IL1RAPL2: variants seen among roughly 807,000 people sequenced by gnomAD.
The protein encoded by IL1RAPL2 is X-linked interleukin-1 receptor accessory protein-like 2.
IL1RAPL2 carries 3 observed loss-of-function variants against 44.1 expected under a neutral mutation model. The observed-to-expected ratio is 0.07, with a 90% confidence interval of 0.03 to 0.18. IL1RAPL2 has a LOEUF of 0.18. IL1RAPL2 is among the 10% of genes least tolerant of loss of function. IL1RAPL2 has a pLI of 1.00. For missense variants in IL1RAPL2, 391 were observed against 496.4 expected, an observed-to-expected ratio of 0.79 and a Z score of 2.02; for synonymous variants, 181 against 178.8, an observed-to-expected ratio of 1.01 and a Z score of -0.10.
At chrX:104,570,956 T>TA (rs1928135807) in intron 1 of IL1RAPL2, among the ~76,000 whole-genome samples, 1 of 110,830 alleles carries the variant, frequency 9.0e-6, no homozygotes, top group African/African-American at 3.3e-5. Context: ...TTTTTTTTTT[T>TA]ATCCCTTCCT....
At chrX:104,611,029 A>G (rs1602642870) in intron 1 of IL1RAPL2, among the ~76,000 whole-genome samples, 1 of 111,401 alleles carries the variant, frequency 9.0e-6, no homozygotes, top group African/African-American at 3.3e-5. Context: ...TTCCTCTGGA[A>G]GCTTTGTCCT....
intron 2 of IL1RAPL2, among the ~76,000 whole-genome samples, chrX:104,763,180 T>C (rs2385678): frequency 0.37 from 41,361 of 110,709 alleles, 5,983 homozygotes; most frequent in East Asian, 0.46. Flanking sequence ...CACAGATCTC[T>C]AGGGCAGGGG....
chrX:105,127,430 G>C lies in IL1RAPL2; in HGVS notation c.83-68045G>C, dbSNP rs983023106. Among the ~76,000 whole-genome samples, 2 of 111,516 alleles carry C rather than the reference G, an allele frequency of 1.8e-5. 1 individual carries two copies. Among genetic ancestry groups the C allele is most frequent in the South Asian group, 7.4e-4 (2 of 2,710 alleles). ...GTCCTGAATAAGTCATGTGACTGAG[G>C]ACCATCAGTGGCTAGTTTGAGCATG... On this transcript the variant is annotated intron_variant, in intron 2 of 10. Coordinates refer to ENST00000372582, the MANE Select transcript of IL1RAPL2 (RefSeq NM_017416.2).
intron 6 of IL1RAPL2, among the ~76,000 whole-genome samples, chrX:105,554,317 C>A (rs1454946127): frequency 5.4e-5 from 6 of 111,992 alleles, no homozygotes; most frequent in Non-Finnish European, 9.4e-5. Context: ...TAAAATTTTT[C>A]TTTTTGCTTT....
chrX:105,606,519 A>T, intron 6 of IL1RAPL2, among the ~76,000 whole-genome samples: 1 of 111,328 alleles, frequency 9.0e-6, no homozygotes, highest in Non-Finnish European at 1.9e-5. Flanking sequence ...TAAAAATAGA[A>T]CCACTATATA....
intron 2 of IL1RAPL2, among the ~76,000 whole-genome samples, chrX:105,016,577 AT>A (rs963227423): frequency 9.0e-6 from 1 of 111,167 alleles, no homozygotes; most frequent in African/African-American, 3.3e-5. Flanking sequence ...ATAATCATAT[AT>A]TTTTTGTCTT....
At chrX:104,733,346 C>T (rs1265855475) in intron 2 of IL1RAPL2, among the ~76,000 whole-genome samples, 2 of 110,999 alleles carry the variant, frequency 1.8e-5, no homozygotes, top group Non-Finnish European at 3.8e-5. Flanking sequence ...AATCCCAGCA[C>T]TTTGCGAGGC....
In IL1RAPL2 at chrX:105,670,146, T is replaced by TA. The variant is rs1556379327; in HGVS notation, c.773-47220dup. 8.8e-3 allele frequency among the ~76,000 whole-genome samples: 408 copies of TA among 46,329 alleles called. 56 individuals carry two copies. Among genetic ancestry groups the TA allele is most frequent in the Non-Finnish European group, 0.014 (311 of 22,284 alleles). The allele number at this position is 46,329 out of a possible 115,157, so 40.2% of individuals were successfully genotyped here. A position where few individuals can be genotyped will look rare whatever the true frequency, so the allele number is the denominator to read the frequency against. ...ATATATATATATATATATATATATA[T>TA]ATCTCCACCAGACCACACAGTCTTG... On this transcript the variant is annotated intron_variant, in intron 6 of 10. Coordinates refer to ENST00000372582, the MANE Select transcript of IL1RAPL2 (RefSeq NM_017416.2).
At chrX:105,052,043 C>T (rs969380534) in intron 2 of IL1RAPL2, among the ~76,000 whole-genome samples, 38 of 112,665 alleles carry the variant, frequency 3.4e-4, no homozygotes, top group African/African-American at 1.1e-3. Context: ...TTATGACTGA[C>T]AGAAAACCTT....
At chrX:105,682,241 A>G (rs1003576847) in intron 6 of IL1RAPL2, among the ~76,000 whole-genome samples, 1 of 112,049 alleles carries the variant, frequency 8.9e-6, no homozygotes, top group African/African-American at 3.2e-5. Context: ...AAAAATCTTG[A>G]GATATATAAG....
chrX:104,644,930 C>G (rs780097294), intron 1 of IL1RAPL2, among the ~76,000 whole-genome samples: 1 of 111,703 alleles, frequency 9.0e-6, no homozygotes, highest in East Asian at 2.8e-4. Flanking sequence ...TGACAATCTT[C>G]TTTTGGTTAA....
At chrX:104,610,297 G>A (rs1301915976) in intron 1 of IL1RAPL2, among the ~76,000 whole-genome samples, 2 of 110,698 alleles carry the variant, frequency 1.8e-5, no homozygotes, top group African/African-American at 6.6e-5. Context: ...TCAGGCAGGA[G>A]AAGGAAATAA....
chrX:104,578,996 A>G (rs1928293519), intron 1 of IL1RAPL2, among the ~76,000 whole-genome samples: 1 of 112,006 alleles, frequency 8.9e-6, no homozygotes, highest in Admixed American at 9.5e-5. Flanking sequence ...CTCAATAGAT[A>G]ATATGTAATA....
chrX:105,743,702 G>C (rs999141948), intron 8 of IL1RAPL2, among the ~76,000 whole-genome samples: 8 of 111,384 alleles, frequency 7.2e-5, no homozygotes, highest in Non-Finnish European at 1.1e-4. Context: ...AACTTTTCTT[G>C]CTGTATTTAC....
chrX:105,627,126 C>G (rs980920881), intron 6 of IL1RAPL2, among the ~76,000 whole-genome samples: 1 of 111,845 alleles, frequency 8.9e-6, no homozygotes, highest in Non-Finnish European at 1.9e-5. Context: ...GCTTACATGG[C>G]CTTTGGAAAA....
chrX:105,139,769 G>A (rs1165066549), intron 2 of IL1RAPL2, among the ~76,000 whole-genome samples: 2 of 112,297 alleles, frequency 1.8e-5, no homozygotes, highest in East Asian at 5.7e-4. Flanking sequence ...GGGATTAGAT[G>A]TTCAACATAT....
At chrX:105,608,974 C>A (rs2037315481) in intron 6 of IL1RAPL2, among the ~76,000 whole-genome samples, 2 of 111,177 alleles carry the variant, frequency 1.8e-5, no homozygotes, top group African/African-American at 6.5e-5. Flanking sequence ...TAGGGACAAA[C>A]TCAACTCCTC....
chrX:105,712,329 G>A (rs2038217761), intron 6 of IL1RAPL2, among the ~76,000 whole-genome samples: 1 of 111,779 alleles, frequency 8.9e-6, no homozygotes, highest in African/African-American at 3.3e-5. Context: ...TGGCTGGGTG[G>A]CTGAGGGGTG....
intron 5 of IL1RAPL2, among the ~76,000 whole-genome samples, chrX:105,308,272 C>T (rs1741713): frequency 0.25 from 28,043 of 110,824 alleles, 6,936 homozygotes; most frequent in African/African-American, 0.78. Flanking sequence ...ATGCAGAAAC[C>T]TGTTTTAGAA....
Sources: allele counts gnomAD v4.1 joint callset (sites outside exome capture counted in the v4.1 genomes callset), GRCh38; gene constraint gnomAD v4.1.1; transcripts MANE v1.5; gene names NCBI Gene and HGNC (gene_info 2026-07-23, HGNC 2026-07-21).